Variants in KLRG1 observed in about 807,000 individuals in gnomAD.
The protein encoded by KLRG1 is killer cell lectin like receptor G1.
Under a neutral mutation model 21.8 loss-of-function variants are expected in KLRG1, and 16 were observed. The ratio of observed to expected loss-of-function variants is 0.73; its 90% CI spans 0.50 to 1.11. KLRG1 has a LOEUF of 1.11. Among genes scored for constraint, KLRG1 ranks in the 50% most tolerant of loss-of-function variants. KLRG1 has a pLI of 0.00. For synonymous variants in KLRG1, 69 were observed against 75.9 expected (o/e 0.91, Z 0.47); for missense variants, 173 against 218.3 (o/e 0.79, Z 1.31).
chr12:9,068,779 T>G, the KLRG1 span: 1 of 1,609,370 alleles, frequency 6.2e-7, no homozygotes, highest in Non-Finnish European at 8.5e-7. Flanking sequence ...ATGGCTGGTT[T>G]CAGATCTCTT....
the KLRG1 span, chr12:9,094,904 G>T: frequency 3.7e-6 from 3 of 803,280 alleles, no homozygotes; most frequent in Non-Finnish European, 5.4e-6. Flanking sequence ...TTGTCACATT[G>T]TATCTTTTAA....
the KLRG1 span, chr12:9,196,667 T>C: frequency 5.5e-5 from 88 of 1,610,680 alleles, no homozygotes; most frequent in Middle Eastern, 1.6e-4. Context: ...TGTTGGGTGA[T>C]GCAGCCATTG....
chr12:9,058,605 T>C, the KLRG1 span: 2 of 152,214 alleles, frequency 1.3e-5, no homozygotes, highest in African/African-American at 2.4e-5. Context: ...CCCCCAACCC[T>C]CTTGTCTGTG....
chr12:9,090,212 G>C, the KLRG1 span: 1 of 1,388,876 alleles, frequency 7.2e-7, no homozygotes, highest in Non-Finnish European at 1.0e-6. Flanking sequence ...GGATATCCTT[G>C]TAGGCATCTT....
downstream of KLRG1, among the ~76,000 whole-genome samples, chr12:9,012,974 C>T (rs1947653006): frequency 6.6e-6 from 1 of 152,176 alleles, no homozygotes; most frequent in South Asian, 2.1e-4. Flanking sequence ...ACTTGTGTCA[C>T]TATTCCCCAA....
chr12:9,088,910 T>C, the KLRG1 span, among the ~76,000 whole-genome samples: 1 of 152,210 alleles, frequency 6.6e-6, no homozygotes, highest in African/African-American at 2.4e-5. Context: ...TTTGGTAATA[T>C]TAATTTTGAT....
the KLRG1 span, among the ~76,000 whole-genome samples, chr12:9,023,136 A>C: frequency 6.6e-6 from 1 of 152,226 alleles, no homozygotes; most frequent in South Asian, 2.1e-4. Flanking sequence ...CTCAGGCCAC[A>C]TCCTGTGCTT....
the KLRG1 span, among the ~76,000 whole-genome samples, chr12:9,119,160 T>A: frequency 6.6e-6 from 1 of 152,226 alleles, no homozygotes; most frequent in African/African-American, 2.4e-5. Flanking sequence ...CACAACATTT[T>A]AAAAAATTAT....
At chr12:9,126,729 G>A in the KLRG1 span, among the ~76,000 whole-genome samples, 1 of 152,174 alleles carries the variant, frequency 6.6e-6, no homozygotes, top group African/African-American at 2.4e-5. Flanking sequence ...ACAATGGACT[G>A]CAATCTGACT....
chr12:8,976,896 A>G (rs749883167), intron 1 of KLRG1, among the ~76,000 whole-genome samples: 1 of 151,976 alleles, frequency 6.6e-6, no homozygotes, highest in South Asian at 2.1e-4. Flanking sequence ...GTAGACATGT[A>G]CTACCACGCC....
chr12:9,189,976 T>C, the KLRG1 span, among the ~76,000 whole-genome samples: 9 of 152,130 alleles, frequency 5.9e-5, no homozygotes, highest in East Asian at 1.7e-3. Context: ...TGGCTATTAT[T>C]AAGAGTCAAA....
the KLRG1 span, among the ~76,000 whole-genome samples, chr12:9,210,570 A>T: frequency 6.6e-6 from 1 of 152,150 alleles, no homozygotes; most frequent in Non-Finnish European, 1.5e-5. Flanking sequence ...TGAACTTTGG[A>T]TTCATAATTC....
the KLRG1 span, among the ~76,000 whole-genome samples, chr12:9,090,700 C>T: frequency 6.6e-6 from 1 of 152,126 alleles, no homozygotes; most frequent in African/African-American, 2.4e-5. Flanking sequence ...CCTGCTCTTT[C>T]ACATGATGGG....
At chr12:9,017,156 C>T in the KLRG1 span, among the ~76,000 whole-genome samples, 6 of 148,278 alleles carry the variant, frequency 4.0e-5, no homozygotes, top group African/African-American at 9.9e-5. Context: ...CCTAGCTACT[C>T]GGGAAGCTGA....
the KLRG1 span, chr12:9,110,177 C>A: frequency 1.0e-5 from 11 of 1,105,426 alleles, no homozygotes; most frequent in South Asian, 9.5e-5. Flanking sequence ...TGAGTTATAG[C>A]CATCTAGCTC....
the KLRG1 span, among the ~76,000 whole-genome samples, chr12:9,094,368 T>TAC: frequency 1.4e-5 from 2 of 145,490 alleles, no homozygotes; most frequent in Admixed American, 1.4e-4. Flanking sequence ...TATATATATA[T>TAC]ATATATACCT....
chr12:9,208,228 T>C, the KLRG1 span: 1 of 1,577,900 alleles, frequency 6.3e-7, no homozygotes, highest in East Asian at 2.2e-5. Context: ...TGAAACGCAC[T>C]CTGGAGGAAG....
At chr12:9,162,437 G>A in the KLRG1 span, 1 of 606,040 alleles carries the variant, frequency 1.7e-6, no homozygotes, top group Non-Finnish European at 2.9e-6. Flanking sequence ...TGGGCTCAAT[G>A]TCTTCATCTG....
chr12:9,101,690 AATTAT>A, the KLRG1 span: 90 of 1,559,346 alleles, frequency 5.8e-5, 1 homozygote, highest in South Asian at 8.0e-4. Context: ...GAATTAGAAA[AATTAT>A]ATTATTTTTA....
Sources: gnomAD v4.1 joint callset for allele counts (sites outside exome capture counted in the v4.1 genomes callset) on GRCh38, gnomAD v4.1.1 for gene constraint, MANE v1.5 for transcripts, NCBI Gene and HGNC (gene_info 2026-07-23, HGNC 2026-07-21) for gene names.